ESR1: variants seen among roughly 807,000 people sequenced by gnomAD.
ESR1 encodes the protein estrogen receptor 1.
ESR1 carries 12 observed loss-of-function variants against 52.7 expected under a neutral mutation model. That is an observed-to-expected ratio of 0.23 (90% CI 0.15 to 0.37). The LOEUF is 0.37. Among genes scored for constraint, ESR1 ranks in the 10% least tolerant of loss-of-function variants. The pLI, the probability that ESR1 is intolerant of heterozygous loss-of-function variation, is 1.00. For missense variants in ESR1, 584 were observed against 779.7 expected (o/e 0.75, Z 2.99); for synonymous variants, 305 against 316.8 (o/e 0.96, Z 0.39).
chr6:151,969,735 T>G (rs1165688051), intron 4 of ESR1, among the ~76,000 whole-genome samples: 1 of 152,200 alleles, frequency 6.6e-6, no homozygotes, highest in Non-Finnish European at 1.5e-5. Flanking sequence ...CTGTTTCCAT[T>G]GTGAGCATAA....
In ESR1 at chr6:151,684,955, CTTTG is replaced by C. The variant is rs569853019; in HGVS notation, n.74-16913_74-16910del. On this transcript the variant is annotated intron_variant and non_coding_transcript_variant, in intron 1 of 2. Transcript: ENST00000473497. ...ACCTGGTACAGGAATTAAGGCTTCA[CTTTG>C]TTTGTTCTGAGGGGTTTACAGAGAT... 5.3e-5 allele frequency among the ~76,000 whole-genome samples: 8 copies of C among 152,254 alleles called. No individual in the cohort carries two copies. The South Asian group carries it at 8.3e-4, about 16-fold the overall frequency.
At chr6:151,662,816 T>C (rs559187648) in intron 1 of ESR1, among the ~76,000 whole-genome samples, 4 of 152,338 alleles carry the variant, frequency 2.6e-5, no homozygotes, top group African/African-American at 9.6e-5. Context: ...TAGCATGTAT[T>C]AAACGAAGAA....
intron 4 of ESR1, among the ~76,000 whole-genome samples, chr6:152,011,389 T>C (rs550693393): frequency 6.6e-6 from 1 of 152,292 alleles, no homozygotes; most frequent in South Asian, 2.1e-4. Flanking sequence ...TATAACACTT[T>C]ATAGAAAGCT....
chr6:151,683,920 C>T (rs1778554412), intron 1 of ESR1, among the ~76,000 whole-genome samples: 1 of 148,504 alleles, frequency 6.7e-6, no homozygotes, highest in African/African-American at 2.5e-5. Flanking sequence ...ACCATGTGGC[C>T]AGGCTGGTTT....
At chr6:152,079,662 G>A (rs918449311) in intron 6 of ESR1, among the ~76,000 whole-genome samples, 1 of 152,198 alleles carries the variant, frequency 6.6e-6, no homozygotes, top group African/African-American at 2.4e-5. Flanking sequence ...ACAGAAGTAG[G>A]CTTCAGAAGG....
At chr6:152,064,558 A>G (rs1352788895) in intron 6 of ESR1, among the ~76,000 whole-genome samples, 1 of 152,170 alleles carries the variant, frequency 6.6e-6, no homozygotes, top group African/African-American at 2.4e-5. Flanking sequence ...TCAATAATTC[A>G]ATGTTTATTG....
At chr6:151,749,769 T>G (rs1198908397) in intron 2 of ESR1, among the ~76,000 whole-genome samples, 1 of 152,174 alleles carries the variant, frequency 6.6e-6, no homozygotes, top group Non-Finnish European at 1.5e-5. Context: ...CAGCTCGCTG[T>G]GCTACTCTGA....
At position 151,868,811 on chromosome 6, in the gene ESR1, C is replaced by G. The variant is rs377169386; in HGVS notation, c.644-11844C>G. Among the ~76,000 whole-genome samples, 20 of 152,130 alleles carry G rather than the reference C, an allele frequency of 1.3e-4. No individual in the cohort carries two copies. In the East Asian group the frequency reaches 3.3e-3, roughly 25 times the overall value. On this transcript the variant is annotated intron_variant, in intron 2 of 7. Transcript: ENST00000206249. ...TCAATAGAACAATTTATTTTCATTA[C>G]TCTTATCAGGATACCTGGGAGGAAC...
At chr6:151,966,670 C>T (rs1048599780) in intron 4 of ESR1, among the ~76,000 whole-genome samples, 1 of 151,914 alleles carries the variant, frequency 6.6e-6, no homozygotes, top group African/African-American at 2.4e-5. Context: ...TTTTAATTTT[C>T]AATTTTGGCA....
chr6:151,730,310 C>T (rs1782147597), intron 2 of ESR1, among the ~76,000 whole-genome samples: 1 of 152,020 alleles, frequency 6.6e-6, no homozygotes, highest in Non-Finnish European at 1.5e-5. Flanking sequence ...TCGAGCTCTG[C>T]TTGCCCTTTA....
chr6:152,105,747 ATTTTC>A (rs1288461534), downstream of ESR1, among the ~76,000 whole-genome samples: 2 of 104,482 alleles, frequency 1.9e-5, no homozygotes, highest in African/African-American at 7.4e-5. Context: ...TTTTTGAATT[ATTTTC>A]TTAGTGATTG....
chr6:151,699,652 C>T (rs772804864), intron 1 of ESR1, among the ~76,000 whole-genome samples: 5 of 151,990 alleles, frequency 3.3e-5, no homozygotes, highest in Non-Finnish European at 7.4e-5. Flanking sequence ...GTATTGAGTT[C>T]GTGTTAATGA....
intron 4 of ESR1, among the ~76,000 whole-genome samples, chr6:151,967,258 C>T (rs1470065973): frequency 2.6e-5 from 4 of 152,002 alleles, no homozygotes; most frequent in Non-Finnish European, 5.9e-5. Context: ...TAGGTATATA[C>T]GTGCCATGGT....
At chr6:151,747,217 C>T (rs1783550969) in intron 2 of ESR1, among the ~76,000 whole-genome samples, 1 of 152,168 alleles carries the variant, frequency 6.6e-6, no homozygotes, top group Admixed American at 6.5e-5. Context: ...ACCCAGAAAG[C>T]TCTTAGATTG....
intron 2 of ESR1, among the ~76,000 whole-genome samples, chr6:151,702,250 T>C (rs1192209712): frequency 2.0e-5 from 3 of 152,202 alleles, no homozygotes; most frequent in Non-Finnish European, 4.4e-5. Context: ...CCAAGTCTAC[T>C]GTGTGGGTGA....
upstream of ESR1, among the ~76,000 whole-genome samples, chr6:151,799,734 C>T (rs538098): frequency 0.98 from 149,516 of 152,310 alleles, 73,399 homozygotes; most frequent in East Asian, 1. Flanking sequence ...TAGCACTCAA[C>T]AGGAAATCAA....
exon 7 of ESR1, chr6:152,125,929 A>C (rs1260621443): frequency 1.3e-5 from 2 of 152,274 alleles, no homozygotes; most frequent in African/African-American, 4.8e-5. Context: ...ATATTAATGC[A>C]CCCCTCATCT....
intron 4 of ESR1, among the ~76,000 whole-genome samples, chr6:151,990,228 T>G (rs141641114): frequency 8.0e-4 from 122 of 152,078 alleles, no homozygotes; most frequent in Non-Finnish European, 1.3e-3. Flanking sequence ...TTGGTGATAT[T>G]CCATTTGTGG....
At chr6:151,939,386 C>T (rs1413461269) in intron 3 of ESR1, among the ~76,000 whole-genome samples, 2 of 152,136 alleles carry the variant, frequency 1.3e-5, no homozygotes, top group Non-Finnish European at 2.9e-5. Context: ...TGCTGCTCTA[C>T]TAACAATTCA....
Sources: allele counts gnomAD v4.1 joint callset (sites outside exome capture counted in the v4.1 genomes callset), GRCh38; gene constraint gnomAD v4.1.1; transcripts MANE v1.5; gene names NCBI Gene and HGNC (gene_info 2026-07-23, HGNC 2026-07-21).